DUSP14: variants seen among roughly 807,000 people sequenced by gnomAD.
DUSP14 encodes dual specificity phosphatase 14, also known as dual specificity protein phosphatase 14.
Under a neutral mutation model 13.2 loss-of-function variants are expected in DUSP14, and 5 were observed. The observed-to-expected ratio is 0.38, with a 90% confidence interval of 0.20 to 0.80. DUSP14 has a LOEUF of 0.80. DUSP14 is among the 30% of genes least tolerant of loss of function. The pLI, the probability that DUSP14 is intolerant of heterozygous loss-of-function variation, is 0.44. For missense variants in DUSP14, 185 were observed against 264.0 expected, an observed-to-expected ratio of 0.70 and a Z score of 2.07; for synonymous variants, 91 against 103.4, an observed-to-expected ratio of 0.88 and a Z score of 0.73.
At chr17:37,499,024 C>T (rs1357339124) in intron 1 of DUSP14, among the ~76,000 whole-genome samples, 1 of 152,190 alleles carries the variant, frequency 6.6e-6, no homozygotes, top group East Asian at 1.9e-4. Context: ...AGCCCATTCT[C>T]ACGCTGCTAT....
Position 37,489,891 on chromosome 17 carries a change from G to C in DUSP14, c.-248G>C, listed in dbSNP as rs1305734708. ...AGGCGGCGCGCGCGGCGCCCAGCCC[G>C]CAGAAGCCGGTGGCCGCGCAGGAGG... is the stretch of plus-strand genomic sequence containing the variant. On this transcript the variant is annotated 5_prime_UTR_variant, in exon 1 of 3. Transcript: ENST00000617516. The C allele has an allele frequency of 6.8e-6, 1 of 148,024 alleles. No homozygotes were observed. The highest frequency in any genetic ancestry group is 2.4e-5 in the African/African-American group (1 of 40,874). The allele number at this position is 148,024 out of a possible 1,614,324, so 9.2% of individuals were successfully genotyped here. A position where few individuals can be genotyped will look rare whatever the true frequency, so the allele number is the denominator to read the frequency against.
chr17:37,495,268 C>G (rs1390174726), intron 1 of DUSP14, among the ~76,000 whole-genome samples: 1 of 152,236 alleles, frequency 6.6e-6, no homozygotes. Context: ...CCACCCAGCT[C>G]ACCTGGGCAC....
At chr17:37,490,306 C>G (rs894935944) in intron 1 of DUSP14, among the ~76,000 whole-genome samples, 1 of 152,140 alleles carries the variant, frequency 6.6e-6, no homozygotes, top group African/African-American at 2.4e-5. Context: ...GCCTTCCGAC[C>G]CCGCTGAGGC....
chr17:37,490,038 G>A lies in DUSP14; in HGVS notation c.-181+80G>A, dbSNP rs1215218062. The A allele has an allele frequency of 5.8e-4, 87 of 149,266 alleles. 1 individual carries two copies. Among genetic ancestry groups the A allele is most frequent in the Admixed American group, 5.8e-3 (87 of 15,036 alleles). 9.2% of individuals were successfully genotyped at this position (149,266 alleles called of 1,614,324 possible). A position where few individuals can be genotyped will look rare whatever the true frequency, so the allele number is the denominator to read the frequency against. On this transcript the variant is annotated intron_variant, in intron 1 of 2. Transcript: ENST00000617516. ...GCGGGAGGGCGGGACTTCGCGCTTC[G>A]GGTCCCTGGGCGCAGGGGGACCCAG... is the stretch of plus-strand genomic sequence containing the variant.
intron 1 of DUSP14, among the ~76,000 whole-genome samples, chr17:37,494,958 A>AT (rs1041636131): frequency 2.6e-5 from 4 of 152,160 alleles, no homozygotes; most frequent in Non-Finnish European, 5.9e-5. Flanking sequence ...TATAGTAAAG[A>AT]TTTTTTTTCA....
At chr17:37,510,478 A>C (rs1003069060) in intron 1 of DUSP14, 199 bp from the exon 2 acceptor site, 3 of 152,178 alleles carry the variant, frequency 2.0e-5, no homozygotes, top group Non-Finnish European at 4.4e-5. Context: ...GCCGCGGGTT[A>C]TGTGTCAGTA....
intron 1 of DUSP14, among the ~76,000 whole-genome samples, chr17:37,497,539 A>G (rs1047873691): frequency 4.7e-4 from 71 of 151,430 alleles, no homozygotes; most frequent in African/African-American, 1.7e-3. Flanking sequence ...AGGGAGGTGG[A>G]TGGCTTGAGC....
chr17:37,505,350 A>G (rs1050707182), intron 1 of DUSP14, among the ~76,000 whole-genome samples: 2 of 152,258 alleles, frequency 1.3e-5, no homozygotes, highest in African/African-American at 4.8e-5. Flanking sequence ...CCTGGGCAAC[A>G]GAGTGAGACT....
chr17:37,509,961 G>A (rs1032358681), intron 1 of DUSP14: 18 of 152,180 alleles, frequency 1.2e-4, no homozygotes, highest in Admixed American at 2.6e-4. Flanking sequence ...GGAACAGGTG[G>A]TAGAAGAACA....
intron 1 of DUSP14, among the ~76,000 whole-genome samples, chr17:37,500,064 A>G (rs2054095271): frequency 6.6e-6 from 1 of 152,228 alleles, no homozygotes; most frequent in Non-Finnish European, 1.5e-5. Flanking sequence ...GGGAGCGGGC[A>G]TGGCCTTCGC....
At chr17:37,489,801 G>C (rs1344656313), upstream of DUSP14, 1 of 147,164 alleles carries the variant, frequency 6.8e-6, no homozygotes, top group Non-Finnish European at 1.5e-5. Flanking sequence ...CCCACCTCGG[G>C]AGAGGGCGGC....
chr17:37,512,812 A>C lies in DUSP14; in HGVS notation c.540A>C (p.Ile180=), dbSNP rs748664465. ...TVKMVQTPYG[I]VPDVYEKESR... is the part of the protein sequence containing the mutation. ...AAATGGTACAGACACCTTATGGCAT[A>C]GTTCCCGACGTCTATGAGAAGGAGT... is the stretch of plus-strand genomic sequence containing the variant. The change falls in exon 3 of 3, where the codon ATA becomes ATC. Residue 180 remains isoleucine (I), a synonymous_variant. Coordinates refer to ENST00000617516, the MANE Select transcript of DUSP14 (RefSeq NM_007026.4). The surrounding 1 kb of genome is among the most constrained non-coding windows in gnomAD (Gnocchi z 4.8). 1.2e-5 allele frequency: 20 copies of C among 1,613,328 alleles called. No homozygotes were observed. The highest frequency in any genetic ancestry group is 1.7e-5 in the Non-Finnish European group (20 of 1,179,734).
Position 37,489,929 on chromosome 17 carries a change from C to G in DUSP14, c.-210C>G, listed in dbSNP as rs1448758630. ...GCCGCGCAGGAGGACGGAGCCCTAACCGCAACCCGCTCCGCGCCGCGCCGC... is the reference window on the plus strand; with the variant it reads ...GCCGCGCAGGAGGACGGAGCCCTAAGCGCAACCCGCTCCGCGCCGCGCCGC... On this transcript the variant is annotated 5_prime_UTR_variant, in exon 1 of 3. Coordinates refer to ENST00000617516, the MANE Select transcript of DUSP14 (RefSeq NM_007026.4). 3.4e-5 allele frequency: 3 copies of G among 87,164 alleles called. No homozygotes were observed. Among genetic ancestry groups the G allele is most frequent in the African/African-American group, 5.1e-5 (1 of 19,736 alleles). The allele number at this position is 87,164 out of a possible 1,614,324, so 5.4% of individuals were successfully genotyped here.
intron 2 of DUSP14, among the ~76,000 whole-genome samples, chr17:37,511,167 C>T (rs1391742435): frequency 6.6e-6 from 1 of 152,092 alleles, no homozygotes; most frequent in Non-Finnish European, 1.5e-5. Context: ...GTAAAATGCT[C>T]ATTTAACTTA....
intron 1 of DUSP14, among the ~76,000 whole-genome samples, chr17:37,498,282 G>T (rs1005313417): frequency 6.8e-6 from 1 of 147,516 alleles, no homozygotes; most frequent in Non-Finnish European, 1.5e-5. Flanking sequence ...AATGGAAATG[G>T]AGTAGAACTT....
chr17:37,500,268 G>A lies in DUSP14; in HGVS notation c.-181+10310G>A, dbSNP rs1470489093. Among the ~76,000 whole-genome samples, 5 of 152,266 alleles carry A rather than the reference G, an allele frequency of 3.3e-5. No homozygotes were observed. In the South Asian group the frequency reaches 1.0e-3, roughly 31 times the overall value. ...TGGAATTGGGCCAGGTATATGGTAA[G>A]GAAGTCCTCATAGGGTGAAGGTTGA... On this transcript the variant is annotated intron_variant, in intron 1 of 2. Coordinates refer to ENST00000617516, the MANE Select transcript of DUSP14 (RefSeq NM_007026.4).
At chr17:37,501,496 A>G (rs1033170706) in intron 1 of DUSP14, among the ~76,000 whole-genome samples, 4 of 152,034 alleles carry the variant, frequency 2.6e-5, no homozygotes, top group African/African-American at 7.2e-5. Flanking sequence ...AATGGAGAAT[A>G]GCCCCCATTC....
chr17:37,499,960 C>G (rs992535600), intron 1 of DUSP14, among the ~76,000 whole-genome samples: 2 of 152,234 alleles, frequency 1.3e-5, no homozygotes, highest in Admixed American at 6.5e-5. Flanking sequence ...CTTGGGACCC[C>G]TCTCGTTCAG....
chr17:37,491,326 C>G (rs2148069431), intron 1 of DUSP14: 1 of 152,358 alleles, frequency 6.6e-6, no homozygotes, highest in South Asian at 2.1e-4. Flanking sequence ...GAATTCACAT[C>G]AGGGACACTT....
Sources: allele counts gnomAD v4.1 joint callset (sites outside exome capture counted in the v4.1 genomes callset), GRCh38; gene constraint gnomAD v4.1.1; non-coding constraint Gnocchi (gnomAD v3.1); transcripts MANE v1.5; gene names NCBI Gene and HGNC (gene_info 2026-07-23, HGNC 2026-07-21).